Variants in GLRA3 observed in about 807,000 individuals in gnomAD.
The protein encoded by GLRA3 is glycine receptor alpha 3.
A neutral mutation model predicts 60.4 loss-of-function variants in GLRA3; 44 were observed. The ratio of observed to expected loss-of-function variants is 0.73; its 90% CI spans 0.57 to 0.94. GLRA3 has a LOEUF of 0.94. Among genes scored for constraint, GLRA3 ranks in the 40% least tolerant of loss-of-function variants. The probability of loss-of-function intolerance (pLI) is 0.00; values close to 1 mark genes in which losing one functional copy is unlikely to be tolerated. For missense variants in GLRA3, 508 were observed against 564.6 expected (o/e 0.90, Z 1.02); for synonymous variants, 223 against 192.9 (o/e 1.16, Z -1.29).
At chr4:174,719,252 C>G (rs892935989) in intron 4 of GLRA3, among the ~76,000 whole-genome samples, 2 of 152,032 alleles carry the variant, frequency 1.3e-5, no homozygotes, top group African/African-American at 4.8e-5. Flanking sequence ...CGTGAGCCAC[C>G]GCGCCCGGCC....
chr4:174,762,147 T>G (rs1737964723), intron 3 of GLRA3, among the ~76,000 whole-genome samples: 1 of 152,180 alleles, frequency 6.6e-6, no homozygotes, highest in Non-Finnish European at 1.5e-5. Flanking sequence ...GCTGGGTTTG[T>G]GTGGGGGCGT....
intron 8 of GLRA3, among the ~76,000 whole-genome samples, chr4:174,657,522 A>T (rs1467401864): frequency 2.0e-5 from 3 of 152,196 alleles, no homozygotes; most frequent in Non-Finnish European, 4.4e-5. Flanking sequence ...ACTAGAAGGG[A>T]AAGTGGTCTT....
At chr4:174,719,651 G>A (rs867872000) in intron 4 of GLRA3, among the ~76,000 whole-genome samples, 3 of 152,220 alleles carry the variant, frequency 2.0e-5, no homozygotes, top group African/African-American at 4.8e-5. Context: ...GCACTAGAAG[G>A]GAGATTAGAA....
chr4:174,728,724 A>G (rs1579515644), intron 3 of GLRA3, 26 bp from the exon 4 acceptor site: 1 of 1,065,988 alleles, frequency 9.4e-7, no homozygotes, highest in East Asian at 2.5e-5. Flanking sequence ...GAAAGAAAGA[A>G]AAAAAAAAAC....
At chr4:174,823,422 G>A (rs1740828715) in intron 1 of GLRA3, among the ~76,000 whole-genome samples, 1 of 152,172 alleles carries the variant, frequency 6.6e-6, no homozygotes, top group South Asian at 2.1e-4. Context: ...CTACTCAGGA[G>A]GCTGAGGCAG....
chr4:174,805,786 A>G (rs1740024413), intron 1 of GLRA3, among the ~76,000 whole-genome samples: 1 of 152,164 alleles, frequency 6.6e-6, no homozygotes, highest in Admixed American at 6.5e-5. Flanking sequence ...AAACCATAAC[A>G]TTTATTATTT....
chr4:174,719,762 T>C (rs947677032), intron 4 of GLRA3, among the ~76,000 whole-genome samples: 3 of 152,190 alleles, frequency 2.0e-5, no homozygotes, highest in African/African-American at 4.8e-5. Context: ...TTATTGTTGA[T>C]GGTTTCTTTA....
chr4:174,660,139 T>C (rs954879097), intron 7 of GLRA3, among the ~76,000 whole-genome samples: 3 of 152,014 alleles, frequency 2.0e-5, no homozygotes, highest in African/African-American at 7.2e-5. Context: ...CTCAACAAAA[T>C]CAAAAATTTG....
intron 3 of GLRA3, among the ~76,000 whole-genome samples, chr4:174,732,173 G>T (rs1359897481): frequency 6.6e-6 from 1 of 152,104 alleles, no homozygotes; most frequent in Admixed American, 6.5e-5. Flanking sequence ...TGGCCAACAT[G>T]GTGAAACCCC....
chr4:174,653,127 T>TA (rs1158687735), intron 9 of GLRA3, among the ~76,000 whole-genome samples: 3 of 152,026 alleles, frequency 2.0e-5, no homozygotes, highest in Non-Finnish European at 4.4e-5. Context: ...AATAGGAATG[T>TA]AAAAAACAAA....
At chr4:174,679,029 A>G (rs1734234642) in intron 6 of GLRA3, among the ~76,000 whole-genome samples, 1 of 152,094 alleles carries the variant, frequency 6.6e-6, no homozygotes, top group South Asian at 2.1e-4. Context: ...TCAAAGTTCA[A>G]AATCACTAAT....
rs73004519 is a variant in GLRA3, at chr4:174,712,643, C to G, written c.574+2845G>C. The G allele has an allele frequency of 2.3e-3, 349 of 152,170 alleles. 2 individuals are homozygous for G. Among genetic ancestry groups the G allele is most frequent in the African/African-American group, 8.1e-3 (338 of 41,520 alleles). The allele number at this position is 152,170 out of a possible 1,614,324, so 9.4% of individuals were successfully genotyped here. A position where few individuals can be genotyped will look rare whatever the true frequency, so the allele number is the denominator to read the frequency against. ...CTTCCCACGTCTTAATATTATTGAA[C>G]ATTTTCTTTTCTTCCTTTCTGCAGT... On this transcript the variant is annotated intron_variant, in intron 5 of 9. Transcript: ENST00000274093.
At chr4:174,695,890 G>A (rs531385529) in intron 5 of GLRA3, among the ~76,000 whole-genome samples, 2 of 152,186 alleles carry the variant, frequency 1.3e-5, no homozygotes, top group East Asian at 3.9e-4. Flanking sequence ...CTTCAGCAAA[G>A]TTTCAGGATA....
chr4:174,667,438 A>G (rs1579413794), intron 7 of GLRA3, among the ~76,000 whole-genome samples: 1 of 152,166 alleles, frequency 6.6e-6, no homozygotes, highest in Non-Finnish European at 1.5e-5. Flanking sequence ...TTAAAGAGAA[A>G]AACTCACTGC....
intron 4 of GLRA3, among the ~76,000 whole-genome samples, chr4:174,724,820 C>T (rs1417452657): frequency 6.6e-6 from 1 of 152,178 alleles, no homozygotes; most frequent in East Asian, 1.9e-4. Flanking sequence ...TCCTTCCTTT[C>T]AGCACCTAAA....
intron 9 of GLRA3, among the ~76,000 whole-genome samples, chr4:174,650,533 C>T (rs1395963658): frequency 6.6e-6 from 1 of 152,198 alleles, no homozygotes; most frequent in Non-Finnish European, 1.5e-5. Context: ...CAGCTACTGA[C>T]ATTCTCTTGA....
chr4:174,796,496 G>A (rs184885638), intron 1 of GLRA3, among the ~76,000 whole-genome samples: 28 of 151,436 alleles, frequency 1.8e-4, no homozygotes, highest in African/African-American at 6.8e-4. Context: ...TTTACATTGA[G>A]TTATTGGCTA....
intron 3 of GLRA3, among the ~76,000 whole-genome samples, chr4:174,748,080 C>A (rs1447251865): frequency 2.0e-5 from 3 of 152,106 alleles, no homozygotes; most frequent in Admixed American, 2.0e-4. Context: ...ACATACAGAG[C>A]ATATGTGTAG....
intron 9 of GLRA3, among the ~76,000 whole-genome samples, chr4:174,644,425 T>C (rs1166651938): frequency 6.6e-6 from 1 of 152,066 alleles, no homozygotes; most frequent in Non-Finnish European, 1.5e-5. Flanking sequence ...TTGCATTTTT[T>C]TTTAAATGGA....
Sources: allele counts gnomAD v4.1 joint callset (sites outside exome capture counted in the v4.1 genomes callset), GRCh38; gene constraint gnomAD v4.1.1; transcripts MANE v1.5; gene names NCBI Gene and HGNC (gene_info 2026-07-23, HGNC 2026-07-21).